RBL2: variants seen among roughly 807,000 people sequenced by gnomAD.
RBL2 encodes retinoblastoma-like protein 2.
RBL2 carries 56 observed loss-of-function variants against 126.0 expected under a neutral mutation model. The ratio of observed to expected loss-of-function variants is 0.44; its 90% CI spans 0.36 to 0.56. The LOEUF is 0.56. Ranked by LOEUF, RBL2 falls within the 20% of genes least tolerant of loss-of-function variation. RBL2 has a pLI of 0.00. For missense variants in RBL2, 1,229 were observed against 1,398.2 expected (o/e 0.88, Z 1.93); for synonymous variants, 454 against 478.5 (o/e 0.95, Z 0.67).
In RBL2 at chr16:53,451,755, G is replaced by C; in HGVS notation, c.690G>C (p.Leu230=). 1 of 1,613,466 alleles carries C rather than the reference G, an allele frequency of 6.2e-7. No homozygotes were observed. The highest frequency in any genetic ancestry group is 8.5e-7 in the Non-Finnish European group (1 of 1,179,480). ...DDLVNSYHLL[L]CALDLVYGNA... ...TGGTCAATTCTTATCACCTGCTGCT[G>C]TGTGCTTTGGACTTAGTTTATGGAA... The change falls in exon 5 of 22, where the codon CTG becomes CTC. Residue 230 remains leucine (L), a synonymous_variant. Coordinates refer to ENST00000262133, the MANE Select transcript of RBL2 (RefSeq NM_005611.4).
Position 53,479,992 on chromosome 16 carries a change from G to GT in RBL2, c.2881+2dup. 1 of 1,577,570 alleles carries GT rather than the reference G, an allele frequency of 6.3e-7. No homozygotes were observed. Among genetic ancestry groups the GT allele is most frequent in the Non-Finnish European group, 8.7e-7 (1 of 1,155,246 alleles). On this transcript the variant is annotated splice_donor_variant, in intron 19 of 21. Coordinates refer to ENST00000262133, the MANE Select transcript of RBL2 (RefSeq NM_005611.4). LOFTEE classifies it high-confidence loss of function. ...CCAACAGAACTAAACAAAGATAGAA[G>GT]TAAGTGGGATCTTTGTGAACTACAA...
chr16:53,441,262 G>T (rs2058013145), intron 2 of RBL2, among the ~76,000 whole-genome samples: 1 of 152,042 alleles, frequency 6.6e-6, no homozygotes, highest in Admixed American at 6.6e-5. Context: ...GCTCAGGCAG[G>T]AACTCTATAT....
intron 14 of RBL2, 137 bp from the exon 15 acceptor site, chr16:53,469,778 CT>C: frequency 9.4e-7 from 1 of 1,060,558 alleles, no homozygotes; most frequent in Non-Finnish European, 1.3e-6. Flanking sequence ...TAAGATATGA[CT>C]TCTGTAATTC....
At chr16:53,483,190 G>A (rs1481720163) in intron 21 of RBL2, among the ~76,000 whole-genome samples, 1 of 152,172 alleles carries the variant, frequency 6.6e-6, no homozygotes, top group Non-Finnish European at 1.5e-5. Context: ...GCAACTCTTA[G>A]ACATTAATGA....
In RBL2 at chr16:53,490,248, C is replaced by G. The variant is rs1370956373; in HGVS notation, c.3368C>G (p.Ser1123Cys). The change falls in exon 22 of 22, where the codon TCT becomes TGT. Residue 1123 changes from serine to cysteine, a missense_variant. Ser to Cys is a moderately radical substitution (Grantham distance 112, BLOSUM62 -1). Coordinates refer to ENST00000262133, the MANE Select transcript of RBL2 (RefSeq NM_005611.4). ...PAKRICPENH[S>C]ALLRRLQDVA... is the part of the protein sequence containing the mutation. Reference sequence around the variant, plus strand: ...AAAAGAATTTGCCCAGAAAATCATTCTGCCTTATTACGCCGTCTCCAAGAT... The same window carrying G: ...AAAAGAATTTGCCCAGAAAATCATTGTGCCTTATTACGCCGTCTCCAAGAT... 4 of 1,612,728 alleles carry G rather than the reference C, an allele frequency of 2.5e-6. No homozygotes were observed. Among genetic ancestry groups the G allele is most frequent in the Non-Finnish European group, 3.4e-6 (4 of 1,179,298 alleles).
At chr16:53,472,143 A>G (rs1163384473) in intron 17 of RBL2, among the ~76,000 whole-genome samples, 1 of 151,930 alleles carries the variant, frequency 6.6e-6, no homozygotes, top group Non-Finnish European at 1.5e-5. Context: ...GATAGGCACA[A>G]TTTTTTTCTC....
At chr16:53,477,057 T>TTG (rs36075761) in intron 17 of RBL2, among the ~76,000 whole-genome samples, 44,721 of 150,868 alleles carry the variant, frequency 0.3, 6,903 homozygotes, top group Middle Eastern at 0.37. Flanking sequence ...TGGTTTCATT[T>TTG]TGTGTGTGTG....
At chr16:53,455,405 A>G (rs1312550193) in intron 8 of RBL2, among the ~76,000 whole-genome samples, 2 of 152,220 alleles carry the variant, frequency 1.3e-5, no homozygotes, top group Non-Finnish European at 2.9e-5. Context: ...TTCACCTGGA[A>G]GTGAGCTGCT....
intron 21 of RBL2, among the ~76,000 whole-genome samples, chr16:53,482,829 AC>A (rs893096523): frequency 4.7e-5 from 7 of 147,510 alleles, no homozygotes; most frequent in Non-Finnish European, 7.4e-5. Context: ...AAAAAAAAAA[AC>A]GGTTGCTTAG....
intron 1 of RBL2, chr16:53,435,805 T>C: frequency 1.7e-6 from 2 of 1,191,766 alleles, no homozygotes; most frequent in South Asian, 2.6e-5. Context: ...ATTTTTAATT[T>C]GTATTTGCAT....
At chr16:53,484,371 T>C (rs1961076665) in intron 21 of RBL2, among the ~76,000 whole-genome samples, 1 of 152,224 alleles carries the variant, frequency 6.6e-6, no homozygotes, top group South Asian at 2.1e-4. Context: ...TAAATGTAAA[T>C]GGTCTAAATG....
At chr16:53,452,040 C>T (rs1449154813) in intron 5 of RBL2, among the ~76,000 whole-genome samples, 1 of 152,130 alleles carries the variant, frequency 6.6e-6, no homozygotes, top group Non-Finnish European at 1.5e-5. Flanking sequence ...TCTTAAATGA[C>T]AACTTCAGAA....
chr16:53,446,735 A>G (rs1370365953), intron 3 of RBL2, among the ~76,000 whole-genome samples: 1 of 152,242 alleles, frequency 6.6e-6, no homozygotes, highest in Non-Finnish European at 1.5e-5. Context: ...GCAGCATAGC[A>G]TTGCTGTGTC....
intron 9 of RBL2, among the ~76,000 whole-genome samples, chr16:53,459,886 T>C (rs1422441233): frequency 6.7e-6 from 1 of 150,184 alleles, no homozygotes; most frequent in Admixed American, 6.7e-5. Flanking sequence ...TATTGCCAAC[T>C]GTTCTTTCAA....
intron 20 of RBL2, chr16:53,481,351 A>G (rs982484529): frequency 1.2e-5 from 3 of 250,320 alleles, no homozygotes; most frequent in African/African-American, 6.9e-5. Context: ...AGTGGTGGTA[A>G]CCTTGCAAAT....
intron 21 of RBL2, chr16:53,488,452 G>A (rs980346135): frequency 6.6e-6 from 1 of 152,208 alleles, no homozygotes; most frequent in African/African-American, 2.4e-5. Context: ...TTCTAGCACA[G>A]AATTGGGAGT....
intron 21 of RBL2, among the ~76,000 whole-genome samples, chr16:53,487,106 C>A (rs1961207339): frequency 6.6e-6 from 1 of 152,174 alleles, no homozygotes; most frequent in Admixed American, 6.5e-5. Flanking sequence ...GTTTCCAATT[C>A]ATGGAAAATA....
Position 53,451,637 on chromosome 16 carries a change from GA to G in RBL2, c.638-63del, listed in dbSNP as rs927931876. Reference sequence around the variant, plus strand: ...TGTAATGTCATAATAAGTAAAGGAAGAAATTTTTTAAAAATGTTACAAAGTC... The same window carrying G: ...TGTAATGTCATAATAAGTAAAGGAAGAATTTTTTAAAAATGTTACAAAGTC... On this transcript the variant is annotated intron_variant, in intron 4 of 21. Transcript: ENST00000262133. The G allele has an allele frequency of 7.8e-6, 12 of 1,542,974 alleles. No individual in the cohort carries two copies. The African/African-American group carries it at 1.6e-4, about 21-fold the overall frequency.
At chr16:53,477,106 T>C (rs938653685) in intron 17 of RBL2, among the ~76,000 whole-genome samples, 4 of 152,108 alleles carry the variant, frequency 2.6e-5, no homozygotes, top group African/African-American at 9.7e-5. Flanking sequence ...GGGCTTACCA[T>C]ATATCTCTTA....
Sources: gnomAD v4.1 joint callset for allele counts (sites outside exome capture counted in the v4.1 genomes callset) on GRCh38, gnomAD v4.1.1 for gene constraint, MANE v1.5 for transcripts, NCBI Gene and HGNC (gene_info 2026-07-23, HGNC 2026-07-21) for gene names.